The following SHANK1 variants were observed in gnomAD, a reference collection of about 807,000 sequenced individuals.
SHANK1 encodes the protein SH3 and multiple ankyrin repeat domains protein 1.
SHANK1 carries 35 observed loss-of-function variants against 165.6 expected under a neutral mutation model. That is an observed-to-expected ratio of 0.21 (90% confidence interval 0.16 to 0.28). SHANK1 has a LOEUF of 0.28. Ranked by LOEUF, SHANK1 falls within the 10% of genes least tolerant of loss-of-function variation. SHANK1 has a pLI of 1.00. For synonymous variants in SHANK1, 1,428 were observed against 1,384.8 expected, an observed-to-expected ratio of 1.03 and a Z score of -0.69; for missense variants, 2,681 against 3,036.4, an observed-to-expected ratio of 0.88 and a Z score of 2.75.
In SHANK1 at chr19:50,712,095, C is replaced by G. The variant is rs764800335; in HGVS notation, c.812G>C (p.Gly271Ala). The change falls in exon 7 of 24, where the codon GGT (glycine) becomes GCT (alanine). Residue 271 changes from glycine (G) to alanine (A), a missense_variant. Gly to Ala is a moderately conservative substitution (Grantham distance 60). Coordinates refer to ENST00000293441, the MANE Select transcript of SHANK1 (RefSeq NM_016148.5). ...CCGACGGTCCTTGTAGTTGGGGGAA[C>G]CCCCAAGGTCCAGGAGCGCCTAGGA... ...LALTALLDLG[G>A]SPNYKDRRGL... The G allele has an allele frequency of 4.7e-5, 76 of 1,602,576 alleles. No homozygotes were observed. The highest frequency in any genetic ancestry group is 1.2e-4 in the Admixed American group (7 of 57,772).
chr19:50,680,257 G>A (rs1986133653), intron 21 of SHANK1, among the ~76,000 whole-genome samples: 1 of 151,966 alleles, frequency 6.6e-6, no homozygotes, highest in South Asian at 2.1e-4. Flanking sequence ...ATGAGAGGGC[G>A]ATGGGAAGCA....
chr19:50,687,097 AG>A lies in SHANK1; in HGVS notation c.2390-286del. The A allele has an allele frequency of 5.4e-6, 7 of 1,285,678 alleles. 1 individual carries two copies. The highest frequency in any genetic ancestry group is 7.1e-6 in the Non-Finnish European group (7 of 981,072). 79.6% of individuals were successfully genotyped at this position (1,285,678 alleles called of 1,614,324 possible). Reference sequence around the variant, plus strand: ...AGAGTTAGGACGTCAGGGGAAGGTGAGGGGCCCCCTGTCTGGAAGCCCGCCT... The same window carrying A: ...AGAGTTAGGACGTCAGGGGAAGGTGAGGGCCCCCTGTCTGGAAGCCCGCCT... On this transcript the variant is annotated intron_variant, in intron 19 of 23. Coordinates refer to ENST00000293441, the MANE Select transcript of SHANK1 (RefSeq NM_016148.5).
In SHANK1 at chr19:50,686,290, C is replaced by G. The variant is rs773611670; in HGVS notation, c.2524G>C (p.Gly842Arg). 1.9e-6 allele frequency: 3 copies of G among 1,607,128 alleles called. No individual in the cohort carries two copies. Among genetic ancestry groups the G allele is most frequent in the Non-Finnish European group, 2.6e-6 (3 of 1,176,318 alleles). Reference protein sequence around the residue: ...TISASESPGPGGLASLGKHRP... With the variant: ...TISASESPGPRGLASLGKHRP... Reference sequence around the variant, plus strand: ...TGTTTGCCCAGGGACGCGAGGCCACCGGGACCAGGGCTTTCGCTTGCACTG... The same window carrying G: ...TGTTTGCCCAGGGACGCGAGGCCACGGGGACCAGGGCTTTCGCTTGCACTG... Residue 842 changes from glycine to arginine, a missense_variant, in exon 21 of 24, where the codon GGT (glycine) becomes CGT (arginine). By Grantham distance (125) the Gly-to-Arg change is moderately radical (BLOSUM62 -2). Around this residue, in one of 10 missense-constraint regions of SHANK1, gnomAD observed 206 missense variants for 216.0 expected, o/e 0.95. Transcript: ENST00000293441. This position sits in a 1 kb window ranked among gnomAD's most constrained non-coding sequence, Gnocchi z 5.7.
Position 50,697,502 on chromosome 19 carries a change from C to A in SHANK1, c.1937+87G>T. ...GAGAAGGAACAGATTAGAAAGGGGG[C>A]TTAGAGGTGATGGAAATATTTAAAG... On this transcript the variant is annotated intron_variant, in intron 14 of 23. Transcript: ENST00000293441. The surrounding 1 kb of genome is among the most constrained non-coding windows in gnomAD (Gnocchi z 4.7). The A allele has an allele frequency of 9.5e-7, 1 of 1,050,736 alleles. No homozygotes were observed. The allele number at this position is 1,050,736 out of a possible 1,614,324, so 65.1% of individuals were successfully genotyped here.
chr19:50,700,743 T>A (rs1317209029), intron 12 of SHANK1, among the ~76,000 whole-genome samples: 1 of 152,092 alleles, frequency 6.6e-6, no homozygotes, highest in Non-Finnish European at 1.5e-5. Context: ...AGCAAGATAC[T>A]GCCCATGGTC....
intron 12 of SHANK1, among the ~76,000 whole-genome samples, chr19:50,699,788 G>A (rs1198564802): frequency 6.6e-6 from 1 of 151,842 alleles, no homozygotes; most frequent in African/African-American, 2.4e-5. Context: ...GGGAATGGAG[G>A]GCTTGGGGCT....
In SHANK1 at chr19:50,668,321, G is replaced by T; in HGVS notation, c.3639C>A (p.Pro1213=). The change falls in exon 23 of 24, where the codon CCC becomes CCA. Residue 1213 remains proline, a synonymous_variant. Transcript: ENST00000293441. ...AMSPVPPSPS[P]VPTPASPSGP... The stretch of plus-strand genomic sequence containing the variant: ...CGCTGGGCGAGGCGGGGGTGGGCAC[G>T]GGCGAGGGGGACGGGGGCACGGGTG... 3 of 1,275,200 alleles carry T rather than the reference G, an allele frequency of 2.4e-6. No homozygotes were observed. The highest frequency in any genetic ancestry group is 3.0e-6 in the Non-Finnish European group (3 of 1,014,002). The allele number at this position is 1,275,200 out of a possible 1,614,324, so 79.0% of individuals were successfully genotyped here. A position where few individuals can be genotyped will look rare whatever the true frequency, so the allele number is the denominator to read the frequency against.
At chr19:50,680,170 G>A (rs1225472801) in intron 21 of SHANK1, among the ~76,000 whole-genome samples, 1 of 152,000 alleles carries the variant, frequency 6.6e-6, no homozygotes, top group Non-Finnish European at 1.5e-5. Flanking sequence ...GATAGGGAGA[G>A]TGAGAGAGGC....
Position 50,697,906 on chromosome 19 carries a change from C to T in SHANK1, c.1798G>A (p.Val600Ile). ...AGGCAGTCAGAGGGGAACCAGCCAA[C>T]ACGACCTTTGACCTGGCCTTCCCAG... Reference protein sequence around the residue: ...GFWEGQVKGRVGWFPSDCLEE... With the variant: ...GFWEGQVKGRIGWFPSDCLEE... Residue 600 changes from valine (V) to isoleucine (I), a missense_variant, in exon 13 of 24, where the codon GTT becomes ATT. Around this residue, in one of 10 missense-constraint regions of SHANK1, gnomAD observed 147 missense variants for 256.5 expected, o/e 0.57. Transcript: ENST00000293441. This position sits in a 1 kb window ranked among gnomAD's most constrained non-coding sequence, Gnocchi z 4.7. 6.2e-7 allele frequency: 1 copy of T among 1,614,136 alleles called. No homozygotes were observed. The highest frequency in any genetic ancestry group is 8.5e-7 in the Non-Finnish European group (1 of 1,180,020).
chr19:50,677,252 T>C (rs962975791), intron 21 of SHANK1, among the ~76,000 whole-genome samples: 5 of 151,746 alleles, frequency 3.3e-5, no homozygotes, highest in African/African-American at 1.2e-4. Flanking sequence ...CTCAGCCTCC[T>C]GAGTAGCTGA....
At chr19:50,694,019 C>CCACATA (rs1986634250) in intron 15 of SHANK1, among the ~76,000 whole-genome samples, 1 of 138,618 alleles carries the variant, frequency 7.2e-6, no homozygotes, top group Non-Finnish European at 1.6e-5. Flanking sequence ...CCAGCACACA[C>CCACATA]CACACACACA....
At chr19:50,694,017 C>CA in intron 15 of SHANK1, among the ~76,000 whole-genome samples, 2 of 127,386 alleles carry the variant, frequency 1.6e-5, no homozygotes, top group East Asian at 2.2e-4. Context: ...CTCCAGCACA[C>CA]ACCACACACA....
rs1986789619 is a variant in SHANK1, at chr19:50,697,816, T to C, written c.1861+27A>G. 1 of 1,588,838 alleles carries C rather than the reference T, an allele frequency of 6.3e-7. No individual in the cohort carries two copies. Among genetic ancestry groups the C allele is most frequent in the Admixed American group, 1.7e-5 (1 of 59,848 alleles). On this transcript the variant is annotated intron_variant, in intron 13 of 23. Transcript: ENST00000293441. The surrounding 1 kb of genome is among the most constrained non-coding windows in gnomAD (Gnocchi z 4.7). ...TGGACGTGGGAATCCTAGGGTCCAT[T>C]GAACACTGCTGGGGGTTCCGCATTA...
chr19:50,703,549 G>C lies in SHANK1; in HGVS notation c.1504C>G (p.Arg502Gly). Residue 502 changes from arginine (R) to glycine (G), a missense_variant, in exon 11 of 24, where the codon CGA becomes GGA. Coordinates refer to ENST00000293441, the MANE Select transcript of SHANK1 (RefSeq NM_016148.5). ...TTGGCGTCCTCAGGGTGCCTCCCTC[G>C]GGATGGAGAGCGGGCCCTGGCACCC... ...PRGARARSPS[R>G]GRHPEDAKRQ... 6.4e-7 allele frequency: 1 copy of C among 1,552,584 alleles called. No homozygotes were observed. The highest frequency in any genetic ancestry group is 8.7e-7 in the Non-Finnish European group (1 of 1,154,176).
Position 50,662,784 on chromosome 19 carries a change from A to C in SHANK1, c.5769-102T>G. 5 of 1,267,830 alleles carry C rather than the reference A, an allele frequency of 3.9e-6. No individual in the cohort carries two copies. The highest frequency in any genetic ancestry group is 5.5e-6 in the Non-Finnish European group (5 of 908,856). The allele number at this position is 1,267,830 out of a possible 1,614,324, so 78.5% of individuals were successfully genotyped here. A position where few individuals can be genotyped will look rare whatever the true frequency, so the allele number is the denominator to read the frequency against. ...TCAAGATATAGGGAGAGAGGAGGAG[A>C]GACATAAGGGTAGGGGGAGAGACGG... On this transcript the variant is annotated intron_variant, in intron 23 of 23. Transcript: ENST00000293441. The surrounding 1 kb of genome is among the most constrained non-coding windows in gnomAD (Gnocchi z 7.7).
chr19:50,686,313 C>G lies in SHANK1; in HGVS notation c.2501G>C (p.Ser834Thr). 6.2e-7 allele frequency: 1 copy of G among 1,608,346 alleles called. No individual in the cohort carries two copies. Among genetic ancestry groups the G allele is most frequent in the Non-Finnish European group, 8.5e-7 (1 of 1,176,990 alleles). ...ACCGGGACCAGGGCTTTCGCTTGCA[C>G]TGATGGTCTGTTGAGCTGCGGCCAG... ...EILAAAQQTI[S>T]ASESPGPGGL... Residue 834 changes from serine to threonine, a missense_variant, in exon 21 of 24, where the codon AGT (serine) becomes ACT (threonine). Transcript: ENST00000293441. The surrounding 1 kb of genome is among the most constrained non-coding windows in gnomAD (Gnocchi z 5.7).
At chr19:50,701,909 C>T (rs1488154366) in intron 12 of SHANK1, among the ~76,000 whole-genome samples, 1 of 152,210 alleles carries the variant, frequency 6.6e-6, no homozygotes, top group Non-Finnish European at 1.5e-5. Context: ...GATAACAGCA[C>T]CACCATTTTG....
chr19:50,668,471 C>T lies in SHANK1; in HGVS notation c.3489G>A (p.Pro1163=), dbSNP rs1349079483. 6.0e-6 allele frequency: 8 copies of T among 1,336,808 alleles called. No individual in the cohort carries two copies. The highest frequency in any genetic ancestry group is 6.7e-6 in the Non-Finnish European group (7 of 1,042,540). 82.8% of individuals were successfully genotyped at this position (1,336,808 alleles called of 1,614,324 possible). A position where few individuals can be genotyped will look rare whatever the true frequency, so the allele number is the denominator to read the frequency against. The change falls in exon 23 of 24, where the codon CCG becomes CCA. Residue 1163 remains proline (P), a synonymous_variant. Transcript: ENST00000293441. ...TGCTGCGGCCGCTGCTACTGGTGGACGGGGCCTTGATGATGATGGTGGGGA... is the reference window on the plus strand; with the variant it reads ...TGCTGCGGCCGCTGCTACTGGTGGATGGGGCCTTGATGATGATGGTGGGGA... ...IPIPTIIIKA[P]STSSSGRSSQ... is the part of the protein sequence containing the mutation.
At position 50,686,300 on chromosome 19, in the gene SHANK1, G is replaced by A; in HGVS notation, c.2514C>T (p.Ser838=). 1 of 1,608,182 alleles carries A rather than the reference G, an allele frequency of 6.2e-7. No individual in the cohort carries two copies. Among genetic ancestry groups the A allele is most frequent in the African/African-American group, 1.3e-5 (1 of 74,774 alleles). The change falls in exon 21 of 24, where the codon AGC becomes AGT. Residue 838 remains serine (S), a synonymous_variant. Transcript: ENST00000293441. This position sits in a 1 kb window ranked among gnomAD's most constrained non-coding sequence, Gnocchi z 5.7. ...GGGACGCGAGGCCACCGGGACCAGG[G>A]CTTTCGCTTGCACTGATGGTCTGTT... ...AAQQTISASE[S]PGPGGLASLG... is the part of the protein sequence containing the mutation.
Sources: gnomAD v4.1 joint callset for allele counts (sites outside exome capture counted in the v4.1 genomes callset) on GRCh38, gnomAD v4.1.1 for gene constraint, gnomAD v4.1.1 regional missense constraint, Gnocchi (gnomAD v3.1) non-coding constraint, MANE v1.5 for transcripts, NCBI Gene and HGNC (gene_info 2026-07-23, HGNC 2026-07-21) for gene names.